The following NIPAL1 variants were observed in gnomAD, a reference collection of about 807,000 sequenced individuals.
The protein encoded by NIPAL1 is NIPA like domain containing 1.
A neutral mutation model predicts 37.7 loss-of-function variants in NIPAL1; 35 were observed. The observed-to-expected ratio is 0.93, with a 90% confidence interval of 0.71 to 1.23. The LOEUF (loss-of-function observed/expected upper bound fraction) is 1.23. Among genes scored for constraint, NIPAL1 ranks in the 50% most tolerant of loss-of-function variants. The probability of loss-of-function intolerance (pLI) is 0.00; values close to 1 mark genes in which losing one functional copy is unlikely to be tolerated. For missense variants in NIPAL1, 412 were observed against 473.9 expected (o/e 0.87, Z 1.21); for synonymous variants, 162 against 183.0 (o/e 0.89, Z 0.93).
At chr4:48,028,280 C>A (rs1287068886) in intron 2 of NIPAL1, among the ~76,000 whole-genome samples, 1 of 152,116 alleles carries the variant, frequency 6.6e-6, no homozygotes, top group Non-Finnish European at 1.5e-5. Flanking sequence ...CAGATACCTA[C>A]AACCAACTGA....
Position 48,026,586 on chromosome 4 carries a change from CTG to C in NIPAL1, c.313+1255_313+1256del, listed in dbSNP as rs1195809264. On this transcript the variant is annotated intron_variant, in intron 2 of 5. Coordinates refer to ENST00000295461, the MANE Select transcript of NIPAL1 (RefSeq NM_207330.3). ...TATTTTAAAAAGTGACATTTCGAAA[CTG>C]TGGAGAAAGGACAAATCATTCAAAG... Among the ~76,000 whole-genome samples, 9 of 151,990 alleles carry C rather than the reference CTG, an allele frequency of 5.9e-5. No homozygotes were observed. In the East Asian group the frequency reaches 1.2e-3, roughly 20 times the overall value.
chr4:48,016,950 C>G, intron 1 of NIPAL1, 65 bp downstream of exon 1: 2 of 1,393,160 alleles, frequency 1.4e-6, no homozygotes, highest in Non-Finnish European at 2.0e-6. Flanking sequence ...GTGGGCGGTC[C>G]CCGGACACTT....
intron 3 of NIPAL1, among the ~76,000 whole-genome samples, chr4:48,032,073 A>G (rs530129262): frequency 1.3e-5 from 2 of 152,290 alleles, no homozygotes; most frequent in African/African-American, 2.4e-5. Flanking sequence ...CAATGTCTTA[A>G]TTATTCTGTT....
At chr4:48,031,074 G>A (rs1370505670) in intron 3 of NIPAL1, among the ~76,000 whole-genome samples, 1 of 151,280 alleles carries the variant, frequency 6.6e-6, no homozygotes, top group Non-Finnish European at 1.5e-5. Flanking sequence ...TTTTTGTTTT[G>A]TTTTTTTTGA....
intron 1 of NIPAL1, 45 bp from the exon 2 acceptor site, chr4:48,025,023 C>T (rs1001167497): frequency 6.4e-7 from 1 of 1,568,918 alleles, no homozygotes. Context: ...AGCATTAATA[C>T]CTCTCCCTTT....
intron 3 of NIPAL1, among the ~76,000 whole-genome samples, chr4:48,031,825 G>A (rs369769224): frequency 2.6e-5 from 4 of 151,940 alleles, no homozygotes; most frequent in South Asian, 2.1e-4. Flanking sequence ...TGCAACCTCC[G>A]CCTCCCAGAT....
At chr4:48,023,921 C>T (rs1715627297) in intron 1 of NIPAL1, among the ~76,000 whole-genome samples, 1 of 151,270 alleles carries the variant, frequency 6.6e-6, no homozygotes, top group South Asian at 2.1e-4. Flanking sequence ...ATATATAACT[C>T]TTCATACCCA....
rs542354940 is a variant in NIPAL1, at chr4:48,036,251, C to T, written c.*79C>T. 1 of 1,368,554 alleles carries T rather than the reference C, an allele frequency of 7.3e-7. No homozygotes were observed. Among genetic ancestry groups the T allele is most frequent in the African/African-American group, 1.5e-5 (1 of 67,240 alleles). 84.8% of individuals were successfully genotyped at this position (1,368,554 alleles called of 1,614,324 possible). ...GAATGCTTGCTTCTTGGAAGAACTG[C>T]TAGGAAAGTTAGCATTTTTGCAGTT... On this transcript the variant is annotated 3_prime_UTR_variant, in exon 6 of 6. Transcript: ENST00000295461.
chr4:48,026,987 G>A (rs1715709051), intron 2 of NIPAL1, among the ~76,000 whole-genome samples: 1 of 151,548 alleles, frequency 6.6e-6, no homozygotes, highest in African/African-American at 2.4e-5. Context: ...CAAAGTGCTG[G>A]GATTACAGGT....
intron 1 of NIPAL1, among the ~76,000 whole-genome samples, chr4:48,019,127 C>T (rs988217162): frequency 6.6e-6 from 1 of 152,210 alleles, no homozygotes; most frequent in Non-Finnish European, 1.5e-5. Context: ...AAGCAATTCT[C>T]CTGCCTCAGC....
At position 48,036,955 on chromosome 4, in the gene NIPAL1, G is replaced by T. The variant is rs888975979; in HGVS notation, c.*783G>T. 1.9e-5 allele frequency: 3 copies of T among 156,034 alleles called. No individual in the cohort carries two copies. In the South Asian group the frequency reaches 5.6e-4, roughly 29 times the overall value. The allele number at this position is 156,034 out of a possible 1,614,324, so 9.7% of individuals were successfully genotyped here. On this transcript the variant is annotated 3_prime_UTR_variant, in exon 6 of 6. Coordinates refer to ENST00000295461, the MANE Select transcript of NIPAL1 (RefSeq NM_207330.3). ...AAAAGAAGAAGAGAAAGGGCCAGGG[G>T]CTTTTGCTTTAAAAAACTTTTTTTA...
In NIPAL1 at chr4:48,025,049, C is replaced by T; in HGVS notation, c.47-19C>T. On this transcript the variant is annotated intron_variant, in intron 1 of 5. Transcript: ENST00000295461. ...CTCTCCCTTTCATTCCTGACATTCT[C>T]TTCTTTCCTTTTTTCCAGGATATGT... 4 of 1,609,188 alleles carry T rather than the reference C, an allele frequency of 2.5e-6. No homozygotes were observed. Among genetic ancestry groups the T allele is most frequent in the Non-Finnish European group, 3.4e-6 (4 of 1,176,464 alleles).
chr4:48,020,974 A>G (rs1395661576), intron 1 of NIPAL1, among the ~76,000 whole-genome samples: 1 of 152,162 alleles, frequency 6.6e-6, no homozygotes, highest in Non-Finnish European at 1.5e-5. Flanking sequence ...ATTATTCTCT[A>G]TAGGCAAATA....
At chr4:48,025,432 T>C in intron 2 of NIPAL1, 98 bp downstream of exon 2, 1 of 1,218,006 alleles carries the variant, frequency 8.2e-7, no homozygotes, top group Non-Finnish European at 1.2e-6. Context: ...CTTGTGTAAT[T>C]ATAGTTATTG....
rs1366908823 is a variant in NIPAL1, at chr4:48,036,614, A to T, written c.*442A>T. ...AACAAGATTTCAGAAAGGTATAATC[A>T]TGTAATTTCTCATATTAAAACTGAG... On this transcript the variant is annotated 3_prime_UTR_variant, in exon 6 of 6. Transcript: ENST00000295461. The T allele has an allele frequency of 6.1e-6, 1 of 163,334 alleles. No homozygotes were observed. The highest frequency in any genetic ancestry group is 1.9e-4 in the East Asian group (1 of 5,312). 10.1% of individuals were successfully genotyped at this position (163,334 alleles called of 1,614,324 possible). A position where few individuals can be genotyped will look rare whatever the true frequency, so the allele number is the denominator to read the frequency against.
At chr4:48,017,793 G>A (rs1287105995) in intron 1 of NIPAL1, among the ~76,000 whole-genome samples, 2 of 152,040 alleles carry the variant, frequency 1.3e-5, no homozygotes, top group African/African-American at 4.8e-5. Flanking sequence ...GCAGTAAAGG[G>A]GAAGGGAGGC....
intron 1 of NIPAL1, among the ~76,000 whole-genome samples, chr4:48,022,286 G>T (rs533480593): frequency 2.5e-4 from 38 of 152,160 alleles, no homozygotes; most frequent in Non-Finnish European, 5.0e-4. Context: ...AGTCATATCT[G>T]CTGTAGGCTC....
At chr4:48,026,392 TACAC>T (rs1374557560) in intron 2 of NIPAL1, among the ~76,000 whole-genome samples, 1 of 152,150 alleles carries the variant, frequency 6.6e-6, no homozygotes, top group Non-Finnish European at 1.5e-5. Context: ...GATTATAAAT[TACAC>T]AAGCAAGTTT....
At chr4:48,029,463 A>G (rs1715775051) in intron 2 of NIPAL1, among the ~76,000 whole-genome samples, 1 of 152,312 alleles carries the variant, frequency 6.6e-6, no homozygotes, top group Middle Eastern at 3.4e-3. Flanking sequence ...GAGGGATGAA[A>G]TACTACCTGT....
Sources: gnomAD v4.1 joint callset for allele counts (sites outside exome capture counted in the v4.1 genomes callset) on GRCh38, gnomAD v4.1.1 for gene constraint, MANE v1.5 for transcripts, NCBI Gene and HGNC (gene_info 2026-07-23, HGNC 2026-07-21) for gene names.